Variants in FARP1 observed in about 807,000 individuals in gnomAD.
FARP1 encodes FERM, ARH/RhoGEF and pleckstrin domain protein 1, also known as FERM, ARHGEF and pleckstrin domain-containing protein 1.
A neutral mutation model predicts 128.8 loss-of-function variants in FARP1; 52 were observed. The observed-to-expected ratio is 0.40, with a 90% confidence interval of 0.32 to 0.51. The LOEUF (loss-of-function observed/expected upper bound fraction) is 0.51. Ranked by LOEUF, FARP1 falls within the 20% of genes least tolerant of loss-of-function variation. The pLI, the probability that FARP1 is intolerant of heterozygous loss-of-function variation, is 0.45. For synonymous variants in FARP1, 580 were observed against 551.8 expected, an observed-to-expected ratio of 1.05 and a Z score of -0.72; for missense variants, 1,333 against 1,367.9, an observed-to-expected ratio of 0.97 and a Z score of 0.40.
At position 98,451,386 on chromosome 13, in the gene FARP1, G is replaced by A. The variant is rs1893186086; in HGVS notation, c.*3069G>A. 2.0e-4 allele frequency: 31 copies of A among 152,120 alleles called. 1 individual carries two copies. The highest frequency in any genetic ancestry group is 2.0e-3 in the Admixed American group (31 of 15,276). 9.4% of individuals were successfully genotyped at this position (152,120 alleles called of 1,614,324 possible). ...TTTTATTATTCAACATAACATTCTT[G>A]TATGGAGTAATGAGTACAATAAGAA... On this transcript the variant is annotated 3_prime_UTR_variant, in exon 27 of 27. Transcript: ENST00000319562.
At chr13:98,258,810 C>G (rs573142265) in intron 2 of FARP1, among the ~76,000 whole-genome samples, 16 of 152,248 alleles carry the variant, frequency 1.1e-4, no homozygotes, top group Admixed American at 2.6e-4. Flanking sequence ...ATCAGGCAAC[C>G]CAGGAATGCT....
intron 19 of FARP1, 53 bp downstream of exon 19, chr13:98,435,759 C>T (rs373028417): frequency 4.3e-5 from 69 of 1,586,926 alleles, no homozygotes; most frequent in African/African-American, 3.5e-4. Flanking sequence ...AAGGAGGCAT[C>T]GGAGGGACTT....
intron 19 of FARP1, among the ~76,000 whole-genome samples, 177 bp from the exon 20 acceptor site, chr13:98,438,627 G>C (rs1386299636): frequency 6.6e-6 from 1 of 152,200 alleles, no homozygotes; most frequent in African/African-American, 2.4e-5. Context: ...CACCATGCAA[G>C]GGACCCAGGT....
intron 6 of FARP1, chr13:98,383,671 T>C (rs1429994995): frequency 6.6e-6 from 1 of 152,224 alleles, no homozygotes; most frequent in African/African-American, 2.4e-5. Flanking sequence ...GTATATGTGA[T>C]ACAAAGAAAA....
At chr13:98,299,657 T>C (rs1885841741) in intron 2 of FARP1, among the ~76,000 whole-genome samples, 1 of 152,172 alleles carries the variant, frequency 6.6e-6, no homozygotes, top group African/African-American at 2.4e-5. Context: ...GAAACCTGAA[T>C]TCATAATTTC....
intron 2 of FARP1, among the ~76,000 whole-genome samples, chr13:98,274,072 A>T (rs1160329673): frequency 1.3e-5 from 2 of 151,958 alleles, no homozygotes; most frequent in Admixed American, 6.6e-5. Flanking sequence ...TTTCAGGGCA[A>T]CCACCCTCTC....
At chr13:98,196,135 C>T (rs1231921816) in intron 1 of FARP1, among the ~76,000 whole-genome samples, 2 of 152,140 alleles carry the variant, frequency 1.3e-5, no homozygotes, top group African/African-American at 4.8e-5. Context: ...GTGATTTGCC[C>T]AGCAGCTTGA....
chr13:98,281,523 C>A (rs1333813125), intron 2 of FARP1, among the ~76,000 whole-genome samples: 2 of 152,146 alleles, frequency 1.3e-5, no homozygotes, highest in Non-Finnish European at 2.9e-5. Context: ...GTCAGGGAAT[C>A]TGTATTCACT....
Position 98,324,835 on chromosome 13 carries a change from G to A in FARP1, c.172-18927G>A, listed in dbSNP as rs139210307. On this transcript the variant is annotated intron_variant, in intron 2 of 26. Coordinates refer to ENST00000319562, the MANE Select transcript of FARP1 (RefSeq NM_005766.4). Reference sequence around the variant, plus strand: ...AGGGGTCTTTGGCTGCTGCATTTCTGACTTGAGCCACACAGCGAAGACCTT... The same window carrying A: ...AGGGGTCTTTGGCTGCTGCATTTCTAACTTGAGCCACACAGCGAAGACCTT... Among the ~76,000 whole-genome samples, 309 of 152,310 alleles carry A rather than the reference G, an allele frequency of 2.0e-3. 2 individuals are homozygous for A. The highest frequency in any genetic ancestry group is 7.0e-3 in the African/African-American group (292 of 41,560).
At chr13:98,396,109 AC>A in intron 13 of FARP1, 2 of 399,064 alleles carry the variant, frequency 5.0e-6, no homozygotes, top group East Asian at 7.1e-5. Flanking sequence ...GGTAGCATTT[AC>A]CCCGGAGGCC....
chr13:98,227,211 G>C lies in FARP1; in HGVS notation c.171+13798G>C, dbSNP rs143585934. Among the ~76,000 whole-genome samples, 64 of 152,204 alleles carry C rather than the reference G, an allele frequency of 4.2e-4. 3 individuals carry two copies. The East Asian group carries it at 0.012, about 29-fold the overall frequency. On this transcript the variant is annotated intron_variant, in intron 2 of 26. Coordinates refer to ENST00000319562, the MANE Select transcript of FARP1 (RefSeq NM_005766.4). ...CCCGCCTTGGCCTCCCAAAGTGCTG[G>C]GATAGCAGGCGTGAGCCACCGCGCC...
chr13:98,351,020 C>G (rs1301794564), intron 3 of FARP1, among the ~76,000 whole-genome samples: 1 of 138,354 alleles, frequency 7.2e-6, no homozygotes, highest in Non-Finnish European at 1.5e-5. Flanking sequence ...AGCCTCGCCT[C>G]CCCTGCCCAG....
chr13:98,168,863 G>A lies in FARP1; in HGVS notation c.-24+25371G>A, dbSNP rs142328134. 1.7e-3 allele frequency among the ~76,000 whole-genome samples: 259 copies of A among 152,276 alleles called. 1 individual carries two copies. Among genetic ancestry groups the A allele is most frequent in the African/African-American group, 5.8e-3 (243 of 41,550 alleles). On this transcript the variant is annotated intron_variant, in intron 1 of 26. Transcript: ENST00000319562. Reference sequence around the variant, plus strand: ...GTTCAGGTGTCCTGTACTTCCTGCTGTGGGCAGGGGGGATCAGCTCTCAAC... The same window carrying A: ...GTTCAGGTGTCCTGTACTTCCTGCTATGGGCAGGGGGGATCAGCTCTCAAC...
chr13:98,331,232 G>A (rs624594), intron 2 of FARP1, among the ~76,000 whole-genome samples: 71,040 of 151,976 alleles, frequency 0.47, 16,736 homozygotes, highest in African/African-American at 0.52. Flanking sequence ...TATGCTTTAT[G>A]TATACTTTTG....
intron 2 of FARP1, among the ~76,000 whole-genome samples, chr13:98,258,192 C>G (rs1814862509): frequency 6.6e-6 from 1 of 152,158 alleles, no homozygotes; most frequent in Non-Finnish European, 1.5e-5. Context: ...TGGTCTCAAT[C>G]TCCTGACCTC....
intron 16 of FARP1, among the ~76,000 whole-genome samples, chr13:98,416,855 C>T (rs1473225128): frequency 1.3e-5 from 2 of 152,128 alleles, no homozygotes; most frequent in Non-Finnish European, 2.9e-5. Flanking sequence ...AGCTGGGAGA[C>T]AGCAAGCAGT....
At chr13:98,408,367 G>A (rs1268822446) in intron 13 of FARP1, among the ~76,000 whole-genome samples, 2 of 118,662 alleles carry the variant, frequency 1.7e-5, no homozygotes, top group East Asian at 2.4e-4. Context: ...TCACTTTGTC[G>A]CCCAGGCTGG....
Position 98,446,701 on chromosome 13 carries a change from C to T in FARP1, c.2940C>T (p.Gly980=), listed in dbSNP as rs1892861151. The stretch of plus-strand genomic sequence containing the variant: ...CCCTTGCCAGCCTGCCTCTGCTCGG[C>T]TACTCGCTCACCATCCCCTCTGAGT... The part of the protein sequence containing the change: ...NHPLASLPLL[G]YSLTIPSESE... The change falls in exon 26 of 27, where the codon GGC becomes GGT. Residue 980 remains glycine, a synonymous_variant. Transcript: ENST00000319562. 6.2e-7 allele frequency: 1 copy of T among 1,614,078 alleles called. No individual in the cohort carries two copies. The highest frequency in any genetic ancestry group is 8.5e-7 in the Non-Finnish European group (1 of 1,180,042).
At chr13:98,250,780 TC>T (rs1194187340) in intron 2 of FARP1, among the ~76,000 whole-genome samples, 1 of 152,142 alleles carries the variant, frequency 6.6e-6, no homozygotes, top group Non-Finnish European at 1.5e-5. Flanking sequence ...TGGGCCACTC[TC>T]TGAAGACTTT....
Sources: gnomAD v4.1 joint callset for allele counts (sites outside exome capture counted in the v4.1 genomes callset) on GRCh38, gnomAD v4.1.1 for gene constraint, MANE v1.5 for transcripts, NCBI Gene and HGNC (gene_info 2026-07-23, HGNC 2026-07-21) for gene names.